Variants in FAM149B1 observed in about 807,000 individuals in gnomAD.
The protein encoded by FAM149B1 is family with sequence similarity 149 member B1.
Under a neutral mutation model 75.3 loss-of-function variants are expected in FAM149B1, and 56 were observed. The ratio of observed to expected loss-of-function variants is 0.74; its 90% CI spans 0.60 to 0.93. The LOEUF is 0.93. FAM149B1 is among the 40% of genes least tolerant of loss of function. The probability of loss-of-function intolerance (pLI) is 0.00; values close to 1 mark genes in which losing one functional copy is unlikely to be tolerated. For missense variants in FAM149B1, 639 were observed against 708.4 expected (o/e 0.90, Z 1.11); for synonymous variants, 259 against 256.1 (o/e 1.01, Z -0.11).
At position 73,177,982 on chromosome 10, in the gene FAM149B1, T is replaced by C; in HGVS notation, c.282+7T>C. ...CTTCTCCTGGGGATATGGTGTGAGT[T>C]ATATGTTATCAGTCTGATAGAGTGC... On this transcript the variant is annotated splice_region_variant and intron_variant, in intron 3 of 13. Transcript: ENST00000242505. 6.5e-7 allele frequency: 1 copy of C among 1,546,480 alleles called. No homozygotes were observed. Among genetic ancestry groups the C allele is most frequent in the Non-Finnish European group, 8.7e-7 (1 of 1,145,474 alleles).
At chr10:73,173,044 A>G (rs1843783803) in intron 1 of FAM149B1, among the ~76,000 whole-genome samples, 2 of 152,154 alleles carry the variant, frequency 1.3e-5, no homozygotes, top group Non-Finnish European at 2.9e-5. Flanking sequence ...CCTTGAGCCC[A>G]GGAGGTCAAG....
chr10:73,231,369 C>T (rs2043693841), intron 9 of FAM149B1: 2 of 152,154 alleles, frequency 1.3e-5, no homozygotes, highest in African/African-American at 4.8e-5. Flanking sequence ...AGGGTCATAG[C>T]ACAGGTATAT....
chr10:73,210,334 G>T lies in FAM149B1; in HGVS notation c.794G>T (p.Cys265Phe), dbSNP rs935295417. ...TATCCTCCCATTGCTCCATTTTACT[G>T]CATGAAAGAAGATGTCCTTGCTTAT... ...LGYPPIAPFY[C>F]MKEDVLAYVF... The change falls in exon 7 of 14, where the codon TGC becomes TTC. Residue 265 changes from cysteine (C) to phenylalanine (F), a missense_variant. Coordinates refer to ENST00000242505, the MANE Select transcript of FAM149B1 (RefSeq NM_173348.2). The T allele has an allele frequency of 4.5e-6, 7 of 1,550,938 alleles. No homozygotes were observed. The highest frequency in any genetic ancestry group is 6.1e-6 in the Non-Finnish European group (7 of 1,146,336).
Position 73,243,939 on chromosome 10 carries a change from G to C in FAM149B1, c.*2920G>C. 6.2e-7 allele frequency: 1 copy of C among 1,612,532 alleles called. No homozygotes were observed. Among genetic ancestry groups the C allele is most frequent in the Non-Finnish European group, 8.5e-7 (1 of 1,179,290 alleles). ...TGGCCTCTTCCTGAGCCTGAAACAG[G>C]AACTCACATGAGACTCAGGGCCACC... On this transcript the variant is annotated 3_prime_UTR_variant, in exon 14 of 14. Transcript: ENST00000242505.
chr10:73,239,194 A>T, intron 12 of FAM149B1, 118 bp from the exon 13 acceptor site: 1 of 784,952 alleles, frequency 1.3e-6, no homozygotes, highest in Non-Finnish European at 2.1e-6. Context: ...TTTTCCCTCA[A>T]GTTGGTAGTC....
At chr10:73,234,539 C>T (rs1050957045) in intron 10 of FAM149B1, 1 of 353,988 alleles carries the variant, frequency 2.8e-6, no homozygotes. Context: ...AGTGCAATAC[C>T]AGATAGGGAC....
At chr10:73,221,036 A>G (rs1244671510) in intron 7 of FAM149B1, among the ~76,000 whole-genome samples, 1 of 152,234 alleles carries the variant, frequency 6.6e-6, no homozygotes, top group African/African-American at 2.4e-5. Context: ...AGCACCATGT[A>G]TATGGTATGA....
intron 12 of FAM149B1, chr10:73,238,982 T>G (rs901279161): frequency 1.1e-5 from 2 of 188,728 alleles, no homozygotes; most frequent in African/African-American, 4.6e-5. Context: ...TTAAAATATA[T>G]GCAGCAGCCA....
rs182157693 is a variant in FAM149B1, at chr10:73,241,173, C to T, written c.*154C>T. ...CACAAGTGACCGAAGAACAAAACAC[C>T]ATAGCAGCCAAAAATGACATGAGTG... On this transcript the variant is annotated 3_prime_UTR_variant, in exon 14 of 14. Transcript: ENST00000242505. The T allele has an allele frequency of 1.1e-5, 7 of 609,842 alleles. 1 individual carries two copies. The highest frequency in any genetic ancestry group is 9.1e-5 in the South Asian group (5 of 54,678). The allele number at this position is 609,842 out of a possible 1,614,324, so 37.8% of individuals were successfully genotyped here. A position where few individuals can be genotyped will look rare whatever the true frequency, so the allele number is the denominator to read the frequency against.
At chr10:73,168,725 C>T (rs118090253) in intron 1 of FAM149B1, among the ~76,000 whole-genome samples, 2 of 152,364 alleles carry the variant, frequency 1.3e-5, no homozygotes, top group Non-Finnish European at 2.9e-5. Flanking sequence ...TGACACTGTG[C>T]AAAGCTATTT....
chr10:73,203,964 C>G (rs1006791500), intron 5 of FAM149B1, among the ~76,000 whole-genome samples: 4 of 152,032 alleles, frequency 2.6e-5, no homozygotes, highest in African/African-American at 9.7e-5. Flanking sequence ...ATAGCTAAAT[C>G]TTACAGGTCA....
At chr10:73,184,680 G>T (rs1445988429) in intron 3 of FAM149B1, among the ~76,000 whole-genome samples, 1 of 152,078 alleles carries the variant, frequency 6.6e-6, no homozygotes, top group African/African-American at 2.4e-5. Flanking sequence ...TAACCCATGG[G>T]TTGAAAAAGG....
chr10:73,236,593 T>TA (rs1286950680), intron 12 of FAM149B1, among the ~76,000 whole-genome samples: 1 of 151,678 alleles, frequency 6.6e-6, no homozygotes, highest in East Asian at 1.9e-4. Flanking sequence ...TTTGTAATTT[T>TA]ACTAGAGATG....
chr10:73,191,532 T>C (rs953206907), intron 3 of FAM149B1, among the ~76,000 whole-genome samples: 1 of 151,936 alleles, frequency 6.6e-6, no homozygotes, highest in African/African-American at 2.4e-5. Flanking sequence ...GAGACAGGGT[T>C]TCATCATGTA....
At chr10:73,215,726 CTTTG>C (rs2043285175) in intron 7 of FAM149B1, among the ~76,000 whole-genome samples, 1 of 152,060 alleles carries the variant, frequency 6.6e-6, no homozygotes, top group Non-Finnish European at 1.5e-5. Flanking sequence ...TTCCAGAGTT[CTTTG>C]TGGTGTTGAT....
chr10:73,239,390 G>T lies in FAM149B1; in HGVS notation c.1675+6G>T. The T allele has an allele frequency of 6.4e-7, 1 of 1,550,890 alleles. No individual in the cohort carries two copies. The highest frequency in any genetic ancestry group is 8.7e-7 in the Non-Finnish European group (1 of 1,146,284). On this transcript the variant is annotated splice_donor_region_variant and intron_variant, in intron 13 of 13. Transcript: ENST00000242505. The stretch of plus-strand genomic sequence containing the variant: ...ACCTGGCAGGGGATCTGCAGGTAAA[G>T]GTGGGGCCATGGCCCTTATTTACTA...
intron 7 of FAM149B1, among the ~76,000 whole-genome samples, chr10:73,216,691 G>C (rs1291714818): frequency 6.6e-6 from 1 of 152,080 alleles, no homozygotes; most frequent in Non-Finnish European, 1.5e-5. Flanking sequence ...GAAGAGCTTG[G>C]CTTCCCTGTC....
At chr10:73,219,941 A>T (rs1263868529) in intron 7 of FAM149B1, among the ~76,000 whole-genome samples, 2 of 151,980 alleles carry the variant, frequency 1.3e-5, no homozygotes, top group South Asian at 4.2e-4. Context: ...GCTATAAAAG[A>T]CATTATCAAG....
intron 13 of FAM149B1, among the ~76,000 whole-genome samples, chr10:73,240,714 CAAAA>C (rs55812252): frequency 9.4e-6 from 1 of 106,918 alleles, no homozygotes; most frequent in South Asian, 3.2e-4. Context: ...ACTCCACCTC[CAAAA>C]AAAAAAAAAA....
Sources: allele counts gnomAD v4.1 joint callset (sites outside exome capture counted in the v4.1 genomes callset), GRCh38; gene constraint gnomAD v4.1.1; transcripts MANE v1.5; gene names NCBI Gene and HGNC (gene_info 2026-07-23, HGNC 2026-07-21).